FAM13A: variants seen among roughly 807,000 people sequenced by gnomAD.
FAM13A encodes the protein protein FAM13A.
FAM13A carries 76 observed loss-of-function variants against 129.6 expected under a neutral mutation model. The observed-to-expected ratio is 0.59, with a 90% CI of 0.49 to 0.71. The LOEUF is 0.71. Among genes scored for constraint, FAM13A ranks in the 30% least tolerant of loss-of-function variants. FAM13A has a pLI of 0.00. For synonymous variants in FAM13A, 443 were observed against 449.9 expected (o/e 0.98, Z 0.20); for missense variants, 1,108 against 1,249.3 (o/e 0.89, Z 1.70).
At chr4:89,012,750 G>C (rs1356554350) in intron 3 of FAM13A, among the ~76,000 whole-genome samples, 1 of 152,008 alleles carries the variant, frequency 6.6e-6, no homozygotes, top group Non-Finnish European at 1.5e-5. Flanking sequence ...TAGGGCTCCA[G>C]AACTCCATCC....
rs550760606 is a variant in FAM13A, at chr4:88,977,698, T to C, written c.605+13275A>G. On this transcript the variant is annotated intron_variant, in intron 4 of 23. Coordinates refer to ENST00000264344, the MANE Select transcript of FAM13A (RefSeq NM_014883.4). ...TCTAAGGTTATTCTACTATCTCCTT[T>C]TCAGTGAGACCAAGGTCAAAAAGTA... 4.6e-5 allele frequency among the ~76,000 whole-genome samples: 7 copies of C among 152,296 alleles called. No homozygotes were observed. In the East Asian group the frequency reaches 1.2e-3, roughly 25 times the overall value.
intron 8 of FAM13A, among the ~76,000 whole-genome samples, chr4:88,795,767 T>A (rs1030002983): frequency 4.0e-5 from 6 of 151,842 alleles, no homozygotes; most frequent in Non-Finnish European, 5.9e-5. Context: ...AGTGCTTTTT[T>A]TGATTCAAAT....
At chr4:88,844,690 G>A (rs1348393734) in intron 7 of FAM13A, among the ~76,000 whole-genome samples, 4 of 152,128 alleles carry the variant, frequency 2.6e-5, no homozygotes, top group Non-Finnish European at 5.9e-5. Context: ...TAGAGGGCAG[G>A]GCAAGCGGTT....
At position 88,979,071 on chromosome 4, in the gene FAM13A, C is replaced by T. The variant is rs146115591; in HGVS notation, c.605+11902G>A. ...AAAACTCAAGGAAGAGAGTGAAAAG[C>T]AATGTACAAAAGAACTACATGGGAA... On this transcript the variant is annotated intron_variant, in intron 4 of 23. Coordinates refer to ENST00000264344, the MANE Select transcript of FAM13A (RefSeq NM_014883.4). 2.6e-5 allele frequency among the ~76,000 whole-genome samples: 4 copies of T among 152,182 alleles called. No homozygotes were observed. In the East Asian group the frequency reaches 5.8e-4, roughly 22 times the overall value.
intron 11 of FAM13A, among the ~76,000 whole-genome samples, chr4:88,775,858 T>C (rs930916516): frequency 1.3e-5 from 2 of 152,224 alleles, no homozygotes; most frequent in Admixed American, 6.5e-5. Context: ...TTTAGTTGCA[T>C]TGAAATCTCA....
At chr4:88,816,140 T>G (rs1176090196) in intron 7 of FAM13A, among the ~76,000 whole-genome samples, 1 of 152,108 alleles carries the variant, frequency 6.6e-6, no homozygotes, top group Non-Finnish European at 1.5e-5. Context: ...ACCTTCCTAT[T>G]TCAATGTACA....
At chr4:88,738,875 C>T (rs1739559170) in intron 20 of FAM13A, among the ~76,000 whole-genome samples, 155 bp downstream of exon 20, 1 of 152,204 alleles carries the variant, frequency 6.6e-6, no homozygotes, top group African/African-American at 2.4e-5. Context: ...ATAAAGTCTT[C>T]ATTCCTCAAG....
chr4:88,903,998 G>T (rs1747746857), intron 6 of FAM13A, among the ~76,000 whole-genome samples: 1 of 152,136 alleles, frequency 6.6e-6, no homozygotes, highest in African/African-American at 2.4e-5. Context: ...CATTTATGTG[G>T]CCAACAATCA....
At chr4:89,003,418 C>A (rs1479503236) in intron 3 of FAM13A, among the ~76,000 whole-genome samples, 1 of 151,980 alleles carries the variant, frequency 6.6e-6, no homozygotes, top group Non-Finnish European at 1.5e-5. Flanking sequence ...CAAGACAAGC[C>A]TGGCCAACAT....
At chr4:88,888,861 G>A (rs1036263875) in intron 6 of FAM13A, among the ~76,000 whole-genome samples, 6 of 151,366 alleles carry the variant, frequency 4.0e-5, no homozygotes, top group South Asian at 2.1e-4. Context: ...CTGTGAACCC[G>A]GGAGGCGGAG....
At chr4:88,855,011 T>C (rs1738250178) in intron 6 of FAM13A, among the ~76,000 whole-genome samples, 1 of 152,186 alleles carries the variant, frequency 6.6e-6, no homozygotes, top group Non-Finnish European at 1.5e-5. Context: ...GTTATTATTA[T>C]CATTTGAAAG....
chr4:88,831,833 A>G (rs549961117), intron 7 of FAM13A, among the ~76,000 whole-genome samples: 15 of 152,210 alleles, frequency 9.9e-5, no homozygotes, highest in Non-Finnish European at 1.9e-4. Flanking sequence ...AATAATTTAT[A>G]GATTCAATAC....
At chr4:88,733,877 T>G (rs1738410655) in intron 21 of FAM13A, among the ~76,000 whole-genome samples, 1 of 152,230 alleles carries the variant, frequency 6.6e-6, no homozygotes, top group African/African-American at 2.4e-5. Context: ...TGTCTAGGCC[T>G]TATCAATTAT....
chr4:88,803,848 AC>A (rs1423669652), intron 8 of FAM13A, among the ~76,000 whole-genome samples: 1 of 152,242 alleles, frequency 6.6e-6, no homozygotes, highest in Non-Finnish European at 1.5e-5. Flanking sequence ...TTTCTGAAGT[AC>A]TAGTGGTTGA....
chr4:88,738,768 T>C (rs994596274), intron 20 of FAM13A, among the ~76,000 whole-genome samples: 7 of 152,194 alleles, frequency 4.6e-5, no homozygotes, highest in Non-Finnish European at 1.0e-4. Flanking sequence ...TGGATGTACA[T>C]GCCTTTTGGG....
intron 5 of FAM13A, among the ~76,000 whole-genome samples, chr4:88,912,870 A>G (rs1017302654): frequency 2.6e-5 from 4 of 152,070 alleles, no homozygotes. Flanking sequence ...GGTCCTAGAT[A>G]CTCAGGAGGC....
chr4:88,938,096 T>C lies in FAM13A; in HGVS notation c.751A>G (p.Ile251Val), dbSNP rs1474941643. ...AAAACCAAGTTGCTTACTTTTACTATGATAAGCCTAGCCAGGTTTTCACAT... is the reference window on the plus strand; with the variant it reads ...AAAACCAAGTTGCTTACTTTTACTACGATAAGCCTAGCCAGGTTTTCACAT... The part of the protein sequence containing the change: ...LRCENLARLI[I>V]VKEVYYKNSL... Residue 251 changes from isoleucine (I) to valine (V), a missense_variant, in exon 5 of 24, where the codon ATA becomes GTA. Ile to Val is a conservative substitution (Grantham distance 29). Transcript: ENST00000264344. 17 of 1,612,964 alleles carry C rather than the reference T, an allele frequency of 1.1e-5. No individual in the cohort carries two copies. Among genetic ancestry groups the C allele is most frequent in the Non-Finnish European group, 1.4e-5 (16 of 1,179,102 alleles).
intron 6 of FAM13A, among the ~76,000 whole-genome samples, chr4:88,887,126 C>T (rs770167369): frequency 7.2e-5 from 11 of 151,944 alleles, no homozygotes; most frequent in Middle Eastern, 3.2e-3. Flanking sequence ...AATGATACAA[C>T]GGACTTTCGG....
chr4:88,731,008 C>A (rs1336262343), intron 23 of FAM13A, among the ~76,000 whole-genome samples: 3 of 152,176 alleles, frequency 2.0e-5, no homozygotes, highest in African/African-American at 7.2e-5. Flanking sequence ...GTGCCACCAC[C>A]AGCGGGAAAC....
Sources: allele counts gnomAD v4.1 joint callset (sites outside exome capture counted in the v4.1 genomes callset), GRCh38; gene constraint gnomAD v4.1.1; transcripts MANE v1.5; gene names NCBI Gene and HGNC (gene_info 2026-07-23, HGNC 2026-07-21).